CCDC137: variants seen among roughly 807,000 people sequenced by gnomAD.
CCDC137 encodes the protein coiled-coil domain containing 137.
In CCDC137, 24 loss-of-function variants were observed where a neutral mutation model predicts 30.4. The observed-to-expected ratio is 0.79, with a 90% CI of 0.57 to 1.11. CCDC137 has a LOEUF of 1.11. CCDC137 is among the 50% of genes least tolerant of loss of function. The pLI is 0.00. For missense variants in CCDC137, 417 were observed against 380.4 expected (o/e 1.10, Z -0.80); for synonymous variants, 182 against 155.7 (o/e 1.17, Z -1.26).
At position 81,670,041 on chromosome 17, in the gene CCDC137, T is replaced by TG. The variant is rs1290287713; in HGVS notation, c.269-178dup. 1.7e-5 allele frequency: 10 copies of TG among 598,294 alleles called. No homozygotes were observed. In the East Asian group the frequency reaches 2.0e-4, roughly 12 times the overall value. The allele number at this position is 598,294 out of a possible 1,614,324, so 37.1% of individuals were successfully genotyped here. A position where few individuals can be genotyped will look rare whatever the true frequency, so the allele number is the denominator to read the frequency against. ...ACATCTGTGACAGGTGCCATTGGGC[T>TG]GGGGGGTCACGTCCCCGGGGATGCC... On this transcript the variant is annotated intron_variant, in intron 2 of 5. Coordinates refer to ENST00000329214, the MANE Select transcript of CCDC137 (RefSeq NM_199287.3).
chr17:81,672,153 C>G lies in CCDC137; in HGVS notation c.658C>G (p.Gln220Glu), dbSNP rs755542085. The G allele has an allele frequency of 1.9e-6, 3 of 1,613,802 alleles. No individual in the cohort carries two copies. The highest frequency in any genetic ancestry group is 1.7e-5 in the Admixed American group (1 of 59,992). ...ARPQRSVSKDQPGRRSQMLRM... is the reference protein window; with the variant it reads ...ARPQRSVSKDEPGRRSQMLRM... The stretch of plus-strand genomic sequence containing the variant: ...GCCCCAGAGGAGCGTAAGCAAGGAC[C>G]AGGTAAGTGGGGCACGGGGACAACT... Residue 220 changes from glutamine (Q) to glutamate (E), a missense_variant and splice_region_variant, in exon 5 of 6, where the codon CAG (glutamine) becomes GAG (glutamate). Gln to Glu is a conservative substitution (Grantham distance 29, BLOSUM62 2). Coordinates refer to ENST00000329214, the MANE Select transcript of CCDC137 (RefSeq NM_199287.3).
intron 1 of CCDC137, among the ~76,000 whole-genome samples, chr17:81,667,319 CTTTTTTTT>C (rs913039751): frequency 8.0e-6 from 1 of 125,634 alleles, no homozygotes; most frequent in Non-Finnish European, 1.7e-5. Flanking sequence ...TAGATAGATT[CTTTTTTTT>C]TTTTTTTTTT....
Position 81,672,794 on chromosome 17 carries a change from C to A in CCDC137, c.*90C>A. The A allele has an allele frequency of 1.6e-6, 2 of 1,264,946 alleles. No individual in the cohort carries two copies. The highest frequency in any genetic ancestry group is 2.2e-6 in the Non-Finnish European group (2 of 929,576). 78.4% of individuals were successfully genotyped at this position (1,264,946 alleles called of 1,614,324 possible). ...GTAGGAGAGAGGCAGGCCATGCCAG[C>A]AGTGTGGGGTGAGGCCTCCAGCTAC... On this transcript the variant is annotated 3_prime_UTR_variant, in exon 6 of 6. Coordinates refer to ENST00000329214, the MANE Select transcript of CCDC137 (RefSeq NM_199287.3).
rs2036734735 is a variant in CCDC137 at position 81,672,612 on chromosome 17, C to T, written c.778C>T (p.Gln260Ter). 1.3e-6 allele frequency: 2 copies of T among 1,593,004 alleles called. No homozygotes were observed. The highest frequency in any genetic ancestry group is 2.3e-5 in the East Asian group (1 of 43,754). ...GGAGGAGGAGAGAGAGCGGGCCGTGCAGGCCTACAGAGCGTTGAAGCAGCG... is the reference window on the plus strand; with the variant it reads ...GGAGGAGGAGAGAGAGCGGGCCGTGTAGGCCTACAGAGCGTTGAAGCAGCG... The part of the protein sequence containing the change: ...IVEEERERAV[Q>*]AYRALKQRQQ... The change falls in exon 6 of 6, where the codon CAG becomes TAG. Residue 260 changes from glutamine to a stop codon, truncating the protein, a stop_gained. Coordinates refer to ENST00000329214, the MANE Select transcript of CCDC137 (RefSeq NM_199287.3). LOFTEE classifies it low-confidence loss of function (END_TRUNC).
chr17:81,667,923 C>G, intron 2 of CCDC137, 61 bp downstream of exon 2: 1 of 1,569,398 alleles, frequency 6.4e-7, no homozygotes, highest in South Asian at 1.2e-5. Context: ...CGCCCAATCG[C>G]CCAAATACTT....
At position 81,672,711 on chromosome 17, in the gene CCDC137, GAC is replaced by G. The variant is rs769706064; in HGVS notation, c.*10_*11del. ...GCCAGAGCCGCAGCTGTGATGGAGA[GAC>G]ACCCGGGGCCTGGCCACGCTCTGGG... On this transcript the variant is annotated 3_prime_UTR_variant, in exon 6 of 6. Transcript: ENST00000329214. The G allele has an allele frequency of 4.5e-6, 7 of 1,565,654 alleles. No homozygotes were observed. In the East Asian group the frequency reaches 1.6e-4, roughly 37 times the overall value.
chr17:81,671,960 G>C, intron 4 of CCDC137, 116 bp from the exon 5 acceptor site: 4 of 1,451,590 alleles, frequency 2.8e-6, no homozygotes, highest in Non-Finnish European at 3.9e-6. Flanking sequence ...TAGACCACTG[G>C]ATGAGTTGGT....
intron 3 of CCDC137, 124 bp from the exon 4 acceptor site, chr17:81,671,620 C>A: frequency 1.1e-6 from 1 of 893,464 alleles, no homozygotes; most frequent in Non-Finnish European, 1.8e-6. Flanking sequence ...GACTTGGAGG[C>A]AGCCACCTGT....
rs574701572 is a variant in CCDC137 at position 81,667,837 on chromosome 17, C to T, written c.243C>T (p.Ile81=). The change falls in exon 2 of 6, where the codon ATC becomes ATT. Residue 81 remains isoleucine (I), a synonymous_variant. Transcript: ENST00000329214. ...GCCGCCAAGAGATGAAAAACCCGAT[C>T]AGTAACAAGAAGAGGAAGAAAGCAG... ...MRSRQEMKNP[I]SNKKRKKAAQ... The T allele has an allele frequency of 3.7e-6, 6 of 1,611,816 alleles. No homozygotes were observed. The Middle Eastern group carries it at 6.4e-4, about 173-fold the overall frequency.
intron 1 of CCDC137, 92 bp downstream of exon 1, chr17:81,666,992 C>T: frequency 8.3e-7 from 1 of 1,209,684 alleles, no homozygotes; most frequent in Non-Finnish European, 1.0e-6. Flanking sequence ...AGCGTTCGCT[C>T]GGACCCCTTC....
rs1325456144 is a variant in CCDC137 at position 81,672,954 on chromosome 17, G to A, written c.*250G>A. 13 of 544,668 alleles carry A rather than the reference G, an allele frequency of 2.4e-5. No homozygotes were observed. Among genetic ancestry groups the A allele is most frequent in the African/African-American group, 5.7e-5 (3 of 52,748 alleles). The allele number at this position is 544,668 out of a possible 1,614,324, so 33.7% of individuals were successfully genotyped here. On this transcript the variant is annotated 3_prime_UTR_variant, in exon 6 of 6. Coordinates refer to ENST00000329214, the MANE Select transcript of CCDC137 (RefSeq NM_199287.3). ...ACAGCTCCATCTCTTTGTTTTGAAC[G>A]TCCATTCTGAGTCTCAGCCCAGGTG...
At chr17:81,667,032 C>T (rs2036641975) in intron 1 of CCDC137, 132 bp downstream of exon 1, 1 of 964,986 alleles carries the variant, frequency 1.0e-6, no homozygotes, top group South Asian at 5.2e-5. Context: ...CCTCCTCTGT[C>T]TGTGCCCGCG....
chr17:81,667,371 A>C (rs937247064), intron 1 of CCDC137, among the ~76,000 whole-genome samples: 14 of 130,970 alleles, frequency 1.1e-4, no homozygotes, highest in Non-Finnish European at 1.5e-4. Context: ...CCCAGGCTGG[A>C]GTGTGGAGTG....
At position 81,672,136 on chromosome 17, in the gene CCDC137, G is replaced by A; in HGVS notation, c.641G>A (p.Arg214Lys). 6.2e-7 allele frequency: 1 copy of A among 1,614,070 alleles called. No individual in the cohort carries two copies. Among genetic ancestry groups the A allele is most frequent in the Non-Finnish European group, 8.5e-7 (1 of 1,179,956 alleles). ...QPPELTARPQ[R>K]SVSKDQPGRR... ...CCAGAGCTGACTGCCAGGCCCCAGA[G>A]GAGCGTAAGCAAGGACCAGGTAAGT... The change falls in exon 5 of 6, where the codon AGG (arginine) becomes AAG (lysine). Residue 214 changes from arginine to lysine, a missense_variant. Coordinates refer to ENST00000329214, the MANE Select transcript of CCDC137 (RefSeq NM_199287.3).
intron 5 of CCDC137, 87 bp downstream of exon 5, chr17:81,672,242 C>G (rs2036728067): frequency 1.5e-5 from 20 of 1,352,478 alleles, no homozygotes; most frequent in Non-Finnish European, 2.0e-5. Context: ...CGGTGGGTCA[C>G]ACCTGTAATC....
chr17:81,672,711 G>C lies in CCDC137; in HGVS notation c.*7G>C. 1 of 1,565,654 alleles carries C rather than the reference G, an allele frequency of 6.4e-7. No homozygotes were observed. Among genetic ancestry groups the C allele is most frequent in the Non-Finnish European group, 8.7e-7 (1 of 1,155,216 alleles). The stretch of plus-strand genomic sequence containing the variant: ...GCCAGAGCCGCAGCTGTGATGGAGA[G>C]ACACCCGGGGCCTGGCCACGCTCTG... On this transcript the variant is annotated 3_prime_UTR_variant, in exon 6 of 6. Coordinates refer to ENST00000329214, the MANE Select transcript of CCDC137 (RefSeq NM_199287.3).
chr17:81,667,716 T>A lies in CCDC137; in HGVS notation c.135-13T>A. 1 of 1,613,650 alleles carries A rather than the reference T, an allele frequency of 6.2e-7. No homozygotes were observed. Among genetic ancestry groups the A allele is most frequent in the Non-Finnish European group, 8.5e-7 (1 of 1,179,910 alleles). ...ACTTGGGACGGGTCTCACCCCCGTGTTCTTTCTCCCAGCAAAGAGAAGAAG... is the reference window on the plus strand; with the variant it reads ...ACTTGGGACGGGTCTCACCCCCGTGATCTTTCTCCCAGCAAAGAGAAGAAG... On this transcript the variant is annotated splice_polypyrimidine_tract_variant and intron_variant, in intron 1 of 5. Transcript: ENST00000329214.
At position 81,670,445 on chromosome 17, in the gene CCDC137, A is replaced by G; in HGVS notation, c.489A>G (p.Ala163=). 1 of 1,612,260 alleles carries G rather than the reference A, an allele frequency of 6.2e-7. No individual in the cohort carries two copies. Among genetic ancestry groups the G allele is most frequent in the Non-Finnish European group, 8.5e-7 (1 of 1,179,388 alleles). The change falls in exon 3 of 6, where the codon GCA becomes GCG. Residue 163 remains alanine, a synonymous_variant. Transcript: ENST00000329214. The stretch of plus-strand genomic sequence containing the variant: ...AGGAGAAGTCTGAGCAGAAAAAAGC[A>G]AAAAAAGCGTGAGTGGAGGCGGGAG... The part of the protein sequence containing the change: ...APKEKSEQKK[A]KKAFQKRRLD...
At chr17:81,670,601 C>T (rs1283305693) in intron 3 of CCDC137, 148 bp downstream of exon 3, 10 of 690,758 alleles carry the variant, frequency 1.4e-5, no homozygotes, top group Non-Finnish European at 2.1e-5. Context: ...TGGGAGTTGG[C>T]GAGTCGGAGC....
Sources: allele counts gnomAD v4.1 joint callset (sites outside exome capture counted in the v4.1 genomes callset), GRCh38; gene constraint gnomAD v4.1.1; transcripts MANE v1.5; gene names NCBI Gene and HGNC (gene_info 2026-07-23, HGNC 2026-07-21).